TSGA10: variants seen among roughly 807,000 people sequenced by gnomAD.
TSGA10 encodes the protein testis-specific gene 10 protein.
A neutral mutation model predicts 96.6 loss-of-function variants in TSGA10; 43 were observed. That is an observed-to-expected ratio of 0.44 (90% CI 0.35 to 0.57). The LOEUF (loss-of-function observed/expected upper bound fraction) is 0.57, where lower values mean the gene tolerates loss of function less well. Ranked by LOEUF, TSGA10 falls within the 20% of genes least tolerant of loss-of-function variation. TSGA10 has a pLI of 0.01. For synonymous variants in TSGA10, 229 were observed against 269.9 expected, an observed-to-expected ratio of 0.85 and a Z score of 1.48; for missense variants, 703 against 834.4, an observed-to-expected ratio of 0.84 and a Z score of 1.94.
chr2:99,004,366 G>A (rs1408716763), intron 20 of TSGA10, among the ~76,000 whole-genome samples: 2 of 151,630 alleles, frequency 1.3e-5, no homozygotes, highest in African/African-American at 4.8e-5. Context: ...TTCTACCAGA[G>A]GTACAAAGAG....
intron 16 of TSGA10, among the ~76,000 whole-genome samples, chr2:99,039,538 A>T (rs564898369): frequency 6.6e-6 from 1 of 152,234 alleles, no homozygotes; most frequent in Non-Finnish European, 1.5e-5. Context: ...AACCTAGAGG[A>T]AATGGATAAA....
At chr2:99,145,420 G>A (rs1246080054) in intron 1 of TSGA10, among the ~76,000 whole-genome samples, 1 of 151,926 alleles carries the variant, frequency 6.6e-6, no homozygotes, top group Admixed American at 6.6e-5. Context: ...TTAACTGATC[G>A]TGGTGGCAGG....
chr2:99,022,324 CAAAAAAA>C (rs56381088), intron 17 of TSGA10, among the ~76,000 whole-genome samples: 2 of 43,910 alleles, frequency 4.6e-5, no homozygotes, highest in Non-Finnish European at 9.3e-5. Context: ...GACCCTGTCT[CAAAAAAA>C]AAAAAAAAAA....
intron 20 of TSGA10, among the ~76,000 whole-genome samples, chr2:99,009,348 G>C (rs1485291830): frequency 6.6e-6 from 1 of 152,004 alleles, no homozygotes; most frequent in Non-Finnish European, 1.5e-5. Flanking sequence ...CTTTTAAAAA[G>C]TTGGCCTGTT....
rs186714737 is a variant in TSGA10, at chr2:99,053,115, A to G, written c.1404+11824T>C. On this transcript the variant is annotated intron_variant, in intron 16 of 20. Coordinates refer to ENST00000393483, the MANE Select transcript of TSGA10 (RefSeq NM_025244.4). Reference sequence around the variant, plus strand: ...CTGATAGTTAAGATTTAAAAAAAAAATCTTACATCAAAAAAAAGCTCAAGA... The same window carrying G: ...CTGATAGTTAAGATTTAAAAAAAAAGTCTTACATCAAAAAAAAGCTCAAGA... 2.1e-3 allele frequency among the ~76,000 whole-genome samples: 327 copies of G among 152,140 alleles called. 1 individual carries two copies. The highest frequency in any genetic ancestry group is 4.1e-3 in the Non-Finnish European group (276 of 67,994).
chr2:99,024,613 T>A (rs1406453821), intron 17 of TSGA10, among the ~76,000 whole-genome samples: 1 of 152,182 alleles, frequency 6.6e-6, no homozygotes, highest in Non-Finnish European at 1.5e-5. Context: ...TAGTTTTACT[T>A]CTTTTCCAAT....
At chr2:99,018,026 ATAT>A (rs1237435377) in intron 20 of TSGA10, among the ~76,000 whole-genome samples, 171 bp downstream of exon 20, 1 of 152,146 alleles carries the variant, frequency 6.6e-6, no homozygotes, top group Non-Finnish European at 1.5e-5. Context: ...AGTATAATAT[ATAT>A]AATTCTAATT....
At chr2:99,141,739 C>T (rs1379558347) in intron 1 of TSGA10, 1 of 152,944 alleles carries the variant, frequency 6.5e-6, no homozygotes, top group Non-Finnish European at 1.5e-5. Context: ...CAGCTTGAAA[C>T]ACCTGCTGCT....
intron 1 of TSGA10, among the ~76,000 whole-genome samples, chr2:99,137,519 AT>A (rs2093373594): frequency 6.6e-6 from 1 of 152,102 alleles, no homozygotes; most frequent in African/African-American, 2.4e-5. Flanking sequence ...GTGGGAAGCC[AT>A]TGGTGTATTT....
At chr2:99,007,020 T>C (rs2078549269) in intron 20 of TSGA10, among the ~76,000 whole-genome samples, 1 of 152,148 alleles carries the variant, frequency 6.6e-6, no homozygotes, top group Admixed American at 6.5e-5. Context: ...GAAACCATCA[T>C]TCTGAGCAAA....
chr2:99,030,554 G>A (rs1449188185), intron 17 of TSGA10, among the ~76,000 whole-genome samples: 2 of 151,994 alleles, frequency 1.3e-5, no homozygotes, highest in African/African-American at 4.8e-5. Flanking sequence ...GGGAGGCTGA[G>A]GTGAAAGAAT....
At position 99,080,977 on chromosome 2, in the gene TSGA10, T is replaced by C. The variant is rs779422976; in HGVS notation, c.727+305A>G. ...AGGTACTGTTTCATTACAGCAGCTA[T>C]GGACAAGCTACAATATTACACAAAA... On this transcript the variant is annotated intron_variant, in intron 11 of 20. Coordinates refer to ENST00000393483, the MANE Select transcript of TSGA10 (RefSeq NM_025244.4). 1.1e-4 allele frequency among the ~76,000 whole-genome samples: 17 copies of C among 152,292 alleles called. No individual in the cohort carries two copies. In the Middle Eastern group the frequency reaches 0.01, roughly 91 times the overall value.
intron 16 of TSGA10, among the ~76,000 whole-genome samples, chr2:99,051,553 C>T (rs1324765586): frequency 2.6e-5 from 4 of 152,084 alleles, no homozygotes; most frequent in African/African-American, 9.7e-5. Context: ...CAATACAGCA[C>T]TTACAATAAT....
intron 10 of TSGA10, among the ~76,000 whole-genome samples, chr2:99,087,995 C>T (rs1016318429): frequency 2.0e-5 from 3 of 152,150 alleles, no homozygotes; most frequent in Non-Finnish European, 2.9e-5. Flanking sequence ...AAATTAGAGA[C>T]TGAAAACACT....
At chr2:99,121,263 T>C (rs1574533023) in intron 2 of TSGA10, among the ~76,000 whole-genome samples, 1 of 152,152 alleles carries the variant, frequency 6.6e-6, no homozygotes, top group Non-Finnish European at 1.5e-5. Context: ...AGAGTGGCTG[T>C]ACCATTTCAT....
intron 4 of TSGA10, among the ~76,000 whole-genome samples, chr2:99,112,911 C>G (rs992568976): frequency 4.8e-5 from 7 of 147,234 alleles, no homozygotes; most frequent in Non-Finnish European, 9.1e-5. Context: ...ATGTCTTCCA[C>G]ACAGCGGGCT....
At chr2:99,122,300 T>C (rs1052057145) in intron 2 of TSGA10, among the ~76,000 whole-genome samples, 2 of 152,166 alleles carry the variant, frequency 1.3e-5, no homozygotes, top group African/African-American at 4.8e-5. Flanking sequence ...TTTCTACCAG[T>C]TGTTCTAGGC....
intron 16 of TSGA10, among the ~76,000 whole-genome samples, chr2:99,043,310 T>C (rs1379950710): frequency 6.6e-6 from 1 of 151,888 alleles, no homozygotes; most frequent in African/African-American, 2.4e-5. Context: ...TTAATGAATT[T>C]AAAAAAGATT....
chr2:99,110,335 C>T (rs987930797), intron 5 of TSGA10, among the ~76,000 whole-genome samples: 1 of 152,154 alleles, frequency 6.6e-6, no homozygotes, highest in Admixed American at 6.5e-5. Flanking sequence ...TCTTTGACAA[C>T]ATTTATTTAA....
Sources: allele counts gnomAD v4.1 joint callset (sites outside exome capture counted in the v4.1 genomes callset), GRCh38; gene constraint gnomAD v4.1.1; transcripts MANE v1.5; gene names NCBI Gene and HGNC (gene_info 2026-07-23, HGNC 2026-07-21).